The following STAC variants were observed in gnomAD, a reference collection of about 807,000 sequenced individuals.
STAC encodes SH3 and cysteine rich domain.
A neutral mutation model predicts 48.8 loss-of-function variants in STAC; 43 were observed. That is an observed-to-expected ratio of 0.88 (90% CI 0.69 to 1.14). The LOEUF (loss-of-function observed/expected upper bound fraction) is 1.14. Among genes scored for constraint, STAC ranks in the 50% most tolerant of loss-of-function variants. STAC has a pLI of 0.00. For synonymous variants in STAC, 193 were observed against 179.5 expected (o/e 1.07, Z -0.60); for missense variants, 497 against 504.0 (o/e 0.99, Z 0.13).
chr3:36,403,400 TG>T (rs1319554552), intron 1 of STAC, among the ~76,000 whole-genome samples: 4 of 152,118 alleles, frequency 2.6e-5, no homozygotes, highest in Non-Finnish European at 5.9e-5. Flanking sequence ...AAAAACAGTT[TG>T]TTTTTTTTTA....
chr3:36,464,146 G>T (rs556112020), intron 2 of STAC, among the ~76,000 whole-genome samples: 4 of 152,326 alleles, frequency 2.6e-5, no homozygotes, highest in Non-Finnish European at 5.9e-5. Context: ...CAGTGTAAAA[G>T]TGTTCCTATT....
intron 1 of STAC, among the ~76,000 whole-genome samples, chr3:36,404,754 T>C (rs918534623): frequency 2.0e-5 from 3 of 151,792 alleles, no homozygotes; most frequent in Non-Finnish European, 4.4e-5. Flanking sequence ...AATTGGTAAA[T>C]AGATGATAGA....
intron 5 of STAC, among the ~76,000 whole-genome samples, chr3:36,487,537 TG>T (rs1697847185): frequency 6.6e-6 from 1 of 152,228 alleles, no homozygotes; most frequent in Non-Finnish European, 1.5e-5. Flanking sequence ...TTACTAGCAC[TG>T]TAGGGGACAC....
chr3:36,509,460 T>C (rs955457950), intron 8 of STAC, among the ~76,000 whole-genome samples: 6 of 152,192 alleles, frequency 3.9e-5, no homozygotes, highest in African/African-American at 1.4e-4. Flanking sequence ...TCTTGTTAGT[T>C]TGGGGAAGTT....
Position 36,528,592 on chromosome 3 carries a change from C to A in STAC, c.921-104C>A, listed in dbSNP as rs1317533882. 4 of 931,956 alleles carry A rather than the reference C, an allele frequency of 4.3e-6. No homozygotes were observed. The Admixed American group carries it at 1.2e-4, about 29-fold the overall frequency. The allele number at this position is 931,956 out of a possible 1,614,324, so 57.7% of individuals were successfully genotyped here. A position where few individuals can be genotyped will look rare whatever the true frequency, so the allele number is the denominator to read the frequency against. ...AGTTATATTTACTTTATTTCTATTTCTTTTAAGACTATTTGTGTAAATGAG... is the reference window on the plus strand; with the variant it reads ...AGTTATATTTACTTTATTTCTATTTATTTTAAGACTATTTGTGTAAATGAG... On this transcript the variant is annotated intron_variant, in intron 8 of 10. Coordinates refer to ENST00000273183, the MANE Select transcript of STAC (RefSeq NM_003149.3).
chr3:36,462,840 CAT>C (rs1053336363), intron 2 of STAC, among the ~76,000 whole-genome samples: 1 of 152,126 alleles, frequency 6.6e-6, no homozygotes, highest in African/African-American at 2.4e-5. Context: ...ATTTATTTCA[CAT>C]GTGTATTCCT....
rs58479579 is a variant in STAC, at chr3:36,423,440, C to T, written c.112-19924C>T. 4.1e-3 allele frequency among the ~76,000 whole-genome samples: 611 copies of T among 150,824 alleles called. 5 individuals are homozygous for T. Among genetic ancestry groups the T allele is most frequent in the African/African-American group, 0.013 (536 of 41,002 alleles). On this transcript the variant is annotated intron_variant, in intron 1 of 10. Transcript: ENST00000273183. ...TCAATAAGAAATAAATTAAATCTCCCGTGCTACTAGATACATATAATAAAA... is the reference window on the plus strand; with the variant it reads ...TCAATAAGAAATAAATTAAATCTCCTGTGCTACTAGATACATATAATAAAA...
intron 2 of STAC, among the ~76,000 whole-genome samples, chr3:36,466,067 A>G (rs547395724): frequency 6.6e-6 from 1 of 152,236 alleles, no homozygotes; most frequent in East Asian, 1.9e-4. Context: ...TCTTAAGTTG[A>G]TTTTTGTATA....
At chr3:36,499,390 T>C (rs1698229195) in intron 6 of STAC, among the ~76,000 whole-genome samples, 1 of 152,154 alleles carries the variant, frequency 6.6e-6, no homozygotes. Flanking sequence ...AATATACTAT[T>C]TCACTTTCTA....
At chr3:36,398,410 GAGAGGGAAGGAAGGAAGGAAGGAA>G (rs1699915223) in intron 1 of STAC, among the ~76,000 whole-genome samples, 1 of 130,440 alleles carries the variant, frequency 7.7e-6, no homozygotes, top group Non-Finnish European at 1.6e-5. Flanking sequence ...AAGAGAAAGA[GAGAGGGAAGGAAGGAAGGAAGGAA>G]GGAAGGAAGG....
intron 1 of STAC, among the ~76,000 whole-genome samples, chr3:36,386,508 C>T (rs371179751): frequency 4.6e-5 from 7 of 151,360 alleles, no homozygotes; most frequent in East Asian, 3.9e-4. Context: ...TTTTTGTGTA[C>T]TGCTTATGAA....
At chr3:36,392,595 T>C (rs1383239907) in intron 1 of STAC, among the ~76,000 whole-genome samples, 1 of 152,148 alleles carries the variant, frequency 6.6e-6, no homozygotes, top group Non-Finnish European at 1.5e-5. Context: ...CTTGAACTCC[T>C]AGGCTCAAGC....
chr3:36,388,428 A>C (rs1232036653), intron 1 of STAC, among the ~76,000 whole-genome samples: 1 of 151,976 alleles, frequency 6.6e-6, no homozygotes, highest in Non-Finnish European at 1.5e-5. Context: ...TCCCAGATTG[A>C]AATTTGTCTT....
At chr3:36,451,505 T>G (rs984565387) in intron 2 of STAC, among the ~76,000 whole-genome samples, 32 of 152,320 alleles carry the variant, frequency 2.1e-4, no homozygotes, top group Admixed American at 4.6e-4. Context: ...ACAAATTTTA[T>G]AACAAGATTT....
At chr3:36,478,897 G>A (rs1163065804) in intron 2 of STAC, among the ~76,000 whole-genome samples, 5 of 152,154 alleles carry the variant, frequency 3.3e-5, no homozygotes, top group Admixed American at 2.0e-4. Flanking sequence ...CCAAAGTCCT[G>A]GGATTATACA....
At chr3:36,450,745 A>G (rs1109734) in intron 2 of STAC, among the ~76,000 whole-genome samples, 106,897 of 152,062 alleles carry the variant, frequency 0.7, 38,125 homozygotes, top group African/African-American at 0.82. Flanking sequence ...GGCTGGTTTC[A>G]AACTCCCAAA....
intron 8 of STAC, among the ~76,000 whole-genome samples, chr3:36,521,657 C>A (rs545278704): frequency 2.2e-4 from 33 of 152,268 alleles, no homozygotes; most frequent in African/African-American, 7.9e-4. Context: ...CATTAACCAA[C>A]CATCCCTGCC....
At chr3:36,399,238 C>A (rs1451771977) in intron 1 of STAC, among the ~76,000 whole-genome samples, 1 of 152,154 alleles carries the variant, frequency 6.6e-6, no homozygotes. Context: ...GGGCAAGGGC[C>A]CCAACAGGGA....
intron 6 of STAC, among the ~76,000 whole-genome samples, chr3:36,494,748 C>A (rs1294372829): frequency 6.6e-6 from 1 of 152,176 alleles, no homozygotes; most frequent in Admixed American, 6.5e-5. Context: ...TGCAAACAAC[C>A]ACTGAGCACT....
Sources: gnomAD v4.1 joint callset for allele counts (sites outside exome capture counted in the v4.1 genomes callset) on GRCh38, gnomAD v4.1.1 for gene constraint, MANE v1.5 for transcripts, NCBI Gene and HGNC (gene_info 2026-07-23, HGNC 2026-07-21) for gene names.